The following INPP5A variants were observed in gnomAD, a reference collection of about 807,000 sequenced individuals.
The protein encoded by INPP5A is inositol polyphosphate-5-phosphatase A.
INPP5A carries 14 observed loss-of-function variants against 65.2 expected under a neutral mutation model. The ratio of observed to expected loss-of-function variants is 0.21; its 90% CI spans 0.14 to 0.34. INPP5A has a LOEUF of 0.34. Among genes scored for constraint, INPP5A ranks in the 10% least tolerant of loss-of-function variants. The pLI is 1.00. For missense variants in INPP5A, 431 were observed against 545.6 expected, an observed-to-expected ratio of 0.79 and a Z score of 2.09; for synonymous variants, 207 against 208.3, an observed-to-expected ratio of 0.99 and a Z score of 0.05.
At position 132,699,810 on chromosome 10, in the gene INPP5A, G is replaced by A. The variant is rs530173134; in HGVS notation, c.474+1891G>A. 1.2e-3 allele frequency among the ~76,000 whole-genome samples: 180 copies of A among 152,232 alleles called. 2 individuals carry two copies. The South Asian group carries it at 0.017, about 14-fold the overall frequency. ...AAGCAGCCCTGCCACTCTGGCCAGC[G>A]GGACCTCCTTCTTGCACCCATGCCT... On this transcript the variant is annotated intron_variant, in intron 6 of 15. Coordinates refer to ENST00000368594, the MANE Select transcript of INPP5A (RefSeq NM_005539.5).
chr10:132,701,301 G>T (rs1009044964), intron 6 of INPP5A, among the ~76,000 whole-genome samples: 39 of 152,234 alleles, frequency 2.6e-4, no homozygotes, highest in African/African-American at 8.4e-4. Flanking sequence ...ACCTCTCTGG[G>T]AGTAGAGGAG....
intron 4 of INPP5A, among the ~76,000 whole-genome samples, chr10:132,658,003 G>A (rs775184560): frequency 1.3e-5 from 2 of 152,260 alleles, no homozygotes; most frequent in Non-Finnish European, 2.9e-5. Context: ...ATGATGTGCG[G>A]CTGGGGCTGC....
At chr10:132,759,883 A>C (rs918182781) in intron 11 of INPP5A, among the ~76,000 whole-genome samples, 1 of 152,010 alleles carries the variant, frequency 6.6e-6, no homozygotes, top group African/African-American at 2.4e-5. Context: ...GTGCCCCTTG[A>C]TGCGCAGTCC....
intron 4 of INPP5A, among the ~76,000 whole-genome samples, chr10:132,668,142 G>A (rs1391051121): frequency 6.6e-6 from 1 of 152,170 alleles, no homozygotes; most frequent in African/African-American, 2.4e-5. Context: ...TTGCAGGGTT[G>A]GTGTGGTGGT....
chr10:132,569,199 T>A (rs182043219), intron 1 of INPP5A, among the ~76,000 whole-genome samples: 55 of 152,320 alleles, frequency 3.6e-4, no homozygotes, highest in Admixed American at 4.6e-4. Flanking sequence ...GCAGAGAGTG[T>A]TAAGTTCTTA....
intron 12 of INPP5A, among the ~76,000 whole-genome samples, chr10:132,776,825 T>G (rs1591007930): frequency 2.0e-5 from 3 of 150,804 alleles, no homozygotes; most frequent in Admixed American, 6.6e-5. Flanking sequence ...CGGCGGGTAG[T>G]GGGGGCCATG....
At chr10:132,677,339 G>T (rs915197566) in intron 4 of INPP5A, among the ~76,000 whole-genome samples, 2 of 152,242 alleles carry the variant, frequency 1.3e-5, no homozygotes, top group African/African-American at 4.8e-5. Context: ...TGCCGTCTTG[G>T]GCTCTGGCCA....
At chr10:132,768,831 A>C (rs897769829) in intron 12 of INPP5A, among the ~76,000 whole-genome samples, 10 of 152,228 alleles carry the variant, frequency 6.6e-5, no homozygotes, top group Admixed American at 2.0e-4. Flanking sequence ...ACGCATTGCA[A>C]ACCGGCCGAG....
chr10:132,661,427 C>T (rs1467688259), intron 4 of INPP5A, among the ~76,000 whole-genome samples: 2 of 152,072 alleles, frequency 1.3e-5, no homozygotes, highest in Non-Finnish European at 2.9e-5. Context: ...ATAACATTAC[C>T]ATTTATAATA....
chr10:132,736,957 G>A (rs1053389228), intron 9 of INPP5A, among the ~76,000 whole-genome samples: 1 of 152,248 alleles, frequency 6.6e-6, no homozygotes, highest in African/African-American at 2.4e-5. Flanking sequence ...CACAGTGGGC[G>A]CCGTGAGGCT....
chr10:132,603,656 C>T lies in INPP5A; in HGVS notation c.76-4259C>T, dbSNP rs528320803. On this transcript the variant is annotated intron_variant, in intron 1 of 15. Coordinates refer to ENST00000368594, the MANE Select transcript of INPP5A (RefSeq NM_005539.5). The surrounding 1 kb of genome is among the most constrained non-coding windows in gnomAD (Gnocchi z 4.2). ...AAGAATACATTTTAATTTTAGAGCA[C>T]GTTTATGAATGCTCTGGTTTGGAAG... Among the ~76,000 whole-genome samples the T allele has an allele frequency of 8.5e-5, 13 of 152,274 alleles. No individual in the cohort carries two copies. Among genetic ancestry groups the T allele is most frequent in the Admixed American group, 1.3e-4 (2 of 15,304 alleles).
At chr10:132,615,328 G>A (rs2072016715) in intron 2 of INPP5A, among the ~76,000 whole-genome samples, 1 of 152,224 alleles carries the variant, frequency 6.6e-6, no homozygotes, top group Admixed American at 6.5e-5. Flanking sequence ...TGCAACTGCT[G>A]GTTTTAGCCT....
intron 2 of INPP5A, among the ~76,000 whole-genome samples, chr10:132,645,571 T>G (rs548083928): frequency 7.9e-5 from 12 of 152,340 alleles, no homozygotes; most frequent in African/African-American, 2.9e-4. Context: ...CGCATAACAT[T>G]TTTTTAACTA....
Position 132,644,605 on chromosome 10 carries a change from C to T in INPP5A, c.118-1263C>T, listed in dbSNP as rs1338454668. ...CGTGAGCACCTCCAGGCTCCCAAGC[C>T]CAGCACAGACAGCACCGGCCCCTTC... On this transcript the variant is annotated intron_variant, in intron 2 of 15. Coordinates refer to ENST00000368594, the MANE Select transcript of INPP5A (RefSeq NM_005539.5). The surrounding 1 kb of genome is among the most constrained non-coding windows in gnomAD (Gnocchi z 6.5). 6.6e-6 allele frequency among the ~76,000 whole-genome samples: 1 copy of T among 152,222 alleles called. No homozygotes were observed. Among genetic ancestry groups the T allele is most frequent in the Non-Finnish European group, 1.5e-5 (1 of 68,040 alleles).
intron 2 of INPP5A, among the ~76,000 whole-genome samples, chr10:132,610,104 G>A (rs1001117096): frequency 1.3e-5 from 2 of 152,208 alleles, no homozygotes; most frequent in Non-Finnish European, 2.9e-5. Context: ...GGCGGACACC[G>A]AGGTCCCGGC....
intron 4 of INPP5A, among the ~76,000 whole-genome samples, chr10:132,689,901 G>C (rs1333176193): frequency 2.0e-5 from 3 of 152,280 alleles, no homozygotes; most frequent in African/African-American, 4.8e-5. Flanking sequence ...GCCAGGCGCA[G>C]TGGAGCTGAT....
intron 8 of INPP5A, among the ~76,000 whole-genome samples, chr10:132,720,886 T>G (rs1352042440): frequency 6.7e-6 from 1 of 148,780 alleles, no homozygotes; most frequent in Non-Finnish European, 1.5e-5. Context: ...GGTACCTGGG[T>G]TCTGTCTGGG....
At chr10:132,694,563 A>G (rs1845316774) in intron 5 of INPP5A, among the ~76,000 whole-genome samples, 1 of 152,126 alleles carries the variant, frequency 6.6e-6, no homozygotes, top group Non-Finnish European at 1.5e-5. Context: ...ACAGAAAGCA[A>G]CAGAATTGAA....
At chr10:132,561,950 A>T (rs1238587046) in intron 1 of INPP5A, among the ~76,000 whole-genome samples, 1 of 152,224 alleles carries the variant, frequency 6.6e-6, no homozygotes, top group Non-Finnish European at 1.5e-5. Context: ...TCCCGGCAAG[A>T]TGATTTTAAA....
Sources: allele counts gnomAD v4.1 joint callset (sites outside exome capture counted in the v4.1 genomes callset), GRCh38; gene constraint gnomAD v4.1.1; non-coding constraint Gnocchi (gnomAD v3.1); transcripts MANE v1.5; gene names NCBI Gene and HGNC (gene_info 2026-07-23, HGNC 2026-07-21).